The following ASTN2 variants were observed in gnomAD, a reference collection of about 807,000 sequenced individuals.
ASTN2 encodes the protein astrotactin-2.
A neutral mutation model predicts 139.8 loss-of-function variants in ASTN2; 54 were observed. That is an observed-to-expected ratio of 0.39 (90% CI 0.31 to 0.48). ASTN2 has a LOEUF of 0.48. ASTN2 is among the 20% of genes least tolerant of loss of function. The pLI, the probability that ASTN2 is intolerant of heterozygous loss-of-function variation, is 0.95. For synonymous variants in ASTN2, 756 were observed against 719.5 expected (o/e 1.05, Z -0.81); for missense variants, 1,565 against 1,725.1 (o/e 0.91, Z 1.64).
At chr9:116,522,798 T>C (rs1850935410) in intron 19 of ASTN2, among the ~76,000 whole-genome samples, 1 of 152,144 alleles carries the variant, frequency 6.6e-6, no homozygotes, top group Admixed American at 6.6e-5. Context: ...GTATGACTTG[T>C]CCCTGTCATA....
At chr9:116,614,316 C>T (rs1281768278) in intron 19 of ASTN2, among the ~76,000 whole-genome samples, 1 of 152,150 alleles carries the variant, frequency 6.6e-6, no homozygotes, top group African/African-American at 2.4e-5. Context: ...TTTATAGATT[C>T]AGTGCCATCC....
At chr9:117,406,832 A>T (rs1831005599) in intron 1 of ASTN2, among the ~76,000 whole-genome samples, 1 of 149,790 alleles carries the variant, frequency 6.7e-6, no homozygotes, top group African/African-American at 2.5e-5. Context: ...TTATTTACTT[A>T]TTATGTCTGT....
chr9:116,970,761 T>A (rs1397201922), intron 10 of ASTN2, among the ~76,000 whole-genome samples: 2 of 152,220 alleles, frequency 1.3e-5, no homozygotes, highest in Non-Finnish European at 2.9e-5. Flanking sequence ...CCCATTATTC[T>A]TTCAGCGTTG....
At chr9:117,258,631 A>T (rs899663409) in intron 2 of ASTN2, among the ~76,000 whole-genome samples, 11 of 152,122 alleles carry the variant, frequency 7.2e-5, no homozygotes, top group African/African-American at 1.2e-4. Context: ...CTGCAGGATA[A>T]AATCCAAGCC....
At chr9:117,301,583 T>G (rs2130800270) in intron 1 of ASTN2, among the ~76,000 whole-genome samples, 1 of 152,222 alleles carries the variant, frequency 6.6e-6, no homozygotes, top group Middle Eastern at 3.4e-3. Context: ...CTGTCCTACA[T>G]AGGCTGAGAA....
chr9:116,688,988 G>A (rs552865146), intron 16 of ASTN2, among the ~76,000 whole-genome samples: 118 of 152,280 alleles, frequency 7.7e-4, no homozygotes, highest in African/African-American at 2.7e-3. Flanking sequence ...ATTAGGCAAT[G>A]TCTGGAGATG....
chr9:116,748,360 G>A (rs1026262595), intron 13 of ASTN2, among the ~76,000 whole-genome samples: 1 of 152,016 alleles, frequency 6.6e-6, no homozygotes, highest in Non-Finnish European at 1.5e-5. Context: ...CAACCCTCCT[G>A]CTCCAGCTCC....
intron 19 of ASTN2, among the ~76,000 whole-genome samples, chr9:116,557,003 A>G (rs1318166888): frequency 6.6e-6 from 1 of 152,070 alleles, no homozygotes; most frequent in Admixed American, 6.6e-5. Flanking sequence ...CAGGTGGACC[A>G]CGAGGTTAGG....
intron 2 of ASTN2, among the ~76,000 whole-genome samples, chr9:117,233,655 G>A (rs1045181553): frequency 6.6e-6 from 1 of 152,028 alleles, no homozygotes; most frequent in Non-Finnish European, 1.5e-5. Context: ...TTGACTCAGT[G>A]CCTAAAATAA....
intron 13 of ASTN2, among the ~76,000 whole-genome samples, chr9:116,738,117 G>A (rs573558107): frequency 1.8e-4 from 27 of 151,376 alleles, no homozygotes; most frequent in Admixed American, 1.4e-3. Flanking sequence ...GCGTGAACCC[G>A]GGAGGCGGAG....
At chr9:117,349,442 C>T (rs1399803018) in intron 1 of ASTN2, among the ~76,000 whole-genome samples, 1 of 152,092 alleles carries the variant, frequency 6.6e-6, no homozygotes, top group Non-Finnish European at 1.5e-5. Flanking sequence ...TAGACATGGC[C>T]CCCTGCCTTC....
chr9:117,173,223 T>C (rs1830836469), intron 3 of ASTN2, among the ~76,000 whole-genome samples: 1 of 152,148 alleles, frequency 6.6e-6, no homozygotes, highest in African/African-American at 2.4e-5. Flanking sequence ...CTTAGCAATC[T>C]GGCCCCAAAA....
At chr9:117,348,746 T>C (rs2130876471) in intron 1 of ASTN2, among the ~76,000 whole-genome samples, 1 of 152,282 alleles carries the variant, frequency 6.6e-6, no homozygotes, top group South Asian at 2.1e-4. Flanking sequence ...CAACTTGTAT[T>C]TTATAAGTGC....
At chr9:116,623,112 C>G (rs1480282370) in intron 17 of ASTN2, among the ~76,000 whole-genome samples, 1 of 151,118 alleles carries the variant, frequency 6.6e-6, no homozygotes, top group African/African-American at 2.4e-5. Flanking sequence ...GAAGGTTGCA[C>G]TGGACCCCAG....
Position 117,391,746 on chromosome 9 carries a change from A to T in ASTN2, c.442+22751T>A, listed in dbSNP as rs1830546925. ...TTTCAGCATTAACTCAAAAGTCCAC[A>T]GTCCAAAGTCTCATCTGAGACAAGG... On this transcript the variant is annotated intron_variant, in intron 1 of 22. Transcript: ENST00000313400. 2.0e-5 allele frequency among the ~76,000 whole-genome samples: 3 copies of T among 152,204 alleles called. No individual in the cohort carries two copies. The South Asian group carries it at 6.2e-4, about 32-fold the overall frequency.
rs373660071 is a variant in ASTN2, at chr9:116,699,836, A to G, written c.2806+25935T>C. The G allele has an allele frequency of 1.3e-4, 157 of 1,171,536 alleles. 2 individuals are homozygous for G. In the South Asian group the frequency reaches 2.1e-3, roughly 15 times the overall value. 72.6% of individuals were successfully genotyped at this position (1,171,536 alleles called of 1,614,324 possible). ...CAGCTGGGTAGTTCTAGAACTTCAGAAGCTCCATCTTTTAATGTTTTTATT... is the reference window on the plus strand; with the variant it reads ...CAGCTGGGTAGTTCTAGAACTTCAGGAGCTCCATCTTTTAATGTTTTTATT... On this transcript the variant is annotated intron_variant, in intron 16 of 22. Coordinates refer to ENST00000313400, the MANE Select transcript of ASTN2 (RefSeq NM_001365068.1). The surrounding 1 kb of genome is among the most constrained non-coding windows in gnomAD (Gnocchi z 4.2).
At chr9:117,245,438 C>A (rs1833351848) in intron 2 of ASTN2, among the ~76,000 whole-genome samples, 1 of 152,172 alleles carries the variant, frequency 6.6e-6, no homozygotes, top group Non-Finnish European at 1.5e-5. Flanking sequence ...AGGGACAGGG[C>A]TCAGGGCTGC....
At chr9:117,259,689 C>T (rs886632533) in intron 2 of ASTN2, among the ~76,000 whole-genome samples, 1 of 152,106 alleles carries the variant, frequency 6.6e-6, no homozygotes, top group Non-Finnish European at 1.5e-5. Context: ...TTGTTCTGCC[C>T]TTCCAGATCA....
chr9:116,632,181 A>AG (rs1262668297), intron 17 of ASTN2, among the ~76,000 whole-genome samples: 2 of 25,260 alleles, frequency 7.9e-5, no homozygotes, highest in African/African-American at 2.0e-4. Context: ...AGAGAGAGAG[A>AG]GAGGGAGAGA....
Sources: allele counts gnomAD v4.1 joint callset (sites outside exome capture counted in the v4.1 genomes callset), GRCh38; gene constraint gnomAD v4.1.1; non-coding constraint Gnocchi (gnomAD v3.1); transcripts MANE v1.5; gene names NCBI Gene and HGNC (gene_info 2026-07-23, HGNC 2026-07-21).